Variants in GABRE observed in about 807,000 individuals in gnomAD.
The protein encoded by GABRE is gamma-aminobutyric acid receptor subunit epsilon.
GABRE carries 20 observed loss-of-function variants against 31.0 expected under a neutral mutation model. That is an observed-to-expected ratio of 0.64 (90% CI 0.45 to 0.94). GABRE has a LOEUF of 0.94. GABRE is among the 40% of genes least tolerant of loss of function. The pLI, the probability that GABRE is intolerant of heterozygous loss-of-function variation, is 0.00. For missense variants in GABRE, 420 were observed against 410.7 expected (o/e 1.02, Z -0.20); for synonymous variants, 155 against 150.6 (o/e 1.03, Z -0.21).
chrX:151,959,140 T>C, intron 6 of GABRE: 2 of 312,391 alleles, frequency 6.4e-6, no homozygotes, highest in Non-Finnish European at 6.3e-6. Context: ...TGGCTCCTCA[T>C]TCAGGTCACC....
intron 3 of GABRE, among the ~76,000 whole-genome samples, chrX:151,963,120 T>C (rs1316492970): frequency 8.9e-6 from 1 of 112,348 alleles, no homozygotes; most frequent in Non-Finnish European, 1.9e-5. Flanking sequence ...TCTGTCTTTT[T>C]CCCACATTTC....
In GABRE at chrX:151,970,417, C is replaced by A; in HGVS notation, c.57-15G>T. 2 of 1,204,991 alleles carry A rather than the reference C, an allele frequency of 1.7e-6. No homozygotes were observed. Among genetic ancestry groups the A allele is most frequent in the South Asian group, 3.6e-5 (2 of 55,571 alleles). Reference sequence around the variant, plus strand: ...GTCCCTCGACCCTAGAACATTCAAACGAAAAATGAAGCTCTGCCCTGCACT... The same window carrying A: ...GTCCCTCGACCCTAGAACATTCAAAAGAAAAATGAAGCTCTGCCCTGCACT... On this transcript the variant is annotated splice_polypyrimidine_tract_variant and intron_variant, in intron 1 of 8. Coordinates refer to ENST00000370328, the MANE Select transcript of GABRE (RefSeq NM_004961.4).
At chrX:151,971,069 G>T in intron 1 of GABRE, 1 of 823,064 alleles carries the variant, frequency 1.2e-6, no homozygotes, top group Non-Finnish European at 1.5e-6. Flanking sequence ...CCAAGAAAAA[G>T]AAGAAGATTA....
chrX:151,970,806 G>C (rs1934671666), intron 1 of GABRE, among the ~76,000 whole-genome samples: 1 of 112,501 alleles, frequency 8.9e-6, no homozygotes, highest in Admixed American at 9.4e-5. Context: ...AGGGCTGAGA[G>C]GAATGCTTGC....
chrX:151,958,680 A>T (rs1176648528), intron 6 of GABRE: 5 of 358,094 alleles, frequency 1.4e-5, no homozygotes, highest in South Asian at 1.3e-4. Context: ...CTTCTCTGTC[A>T]CTTTTGATGA....
intron 2 of GABRE, 189 bp from the exon 3 acceptor site, chrX:151,969,925 C>T: frequency 9.3e-7 from 1 of 1,073,894 alleles, no homozygotes; most frequent in South Asian, 2.6e-5. Context: ...GAATTGGACA[C>T]ACATCTTGAA....
At chrX:151,965,515 G>T (rs1480230464) in intron 3 of GABRE, among the ~76,000 whole-genome samples, 1 of 112,110 alleles carries the variant, frequency 8.9e-6, no homozygotes, top group Admixed American at 9.4e-5. Context: ...AGTTATTTTA[G>T]AGATAAGGAA....
chrX:151,961,458 G>C, intron 4 of GABRE, 93 bp from the exon 5 acceptor site: 1 of 568,497 alleles, frequency 1.8e-6, no homozygotes, highest in Admixed American at 2.9e-5. Context: ...TGAATGGCCA[G>C]AGTCAATTTT....
intron 5 of GABRE, 53 bp from the exon 6 acceptor site, chrX:151,960,029 G>C (rs1934312143): frequency 9.0e-7 from 1 of 1,115,085 alleles, no homozygotes; most frequent in African/African-American, 1.8e-5. Context: ...GCCCACCTGA[G>C]GTCTCCAATA....
In GABRE at chrX:151,974,511, G is replaced by T. The variant is rs761099842; in HGVS notation, c.56+59C>A. The T allele has an allele frequency of 4.7e-6, 4 of 858,604 alleles. No homozygotes were observed. The South Asian group carries it at 1.0e-4, about 22-fold the overall frequency. The allele number at this position is 858,604 out of a possible 1,213,427, so 70.8% of individuals were successfully genotyped here. A position where few individuals can be genotyped will look rare whatever the true frequency, so the allele number is the denominator to read the frequency against. ...CGCTGGGGTCCCGGGAGCCGTCCCGGCTCCCGGGGAGAGGGAGCTGGGCGC... is the reference window on the plus strand; with the variant it reads ...CGCTGGGGTCCCGGGAGCCGTCCCGTCTCCCGGGGAGAGGGAGCTGGGCGC... On this transcript the variant is annotated intron_variant, in intron 1 of 8. Coordinates refer to ENST00000370328, the MANE Select transcript of GABRE (RefSeq NM_004961.4).
At chrX:151,955,212 A>T in intron 8 of GABRE, 128 bp from the exon 9 acceptor site, 1 of 1,176,117 alleles carries the variant, frequency 8.5e-7, no homozygotes. Flanking sequence ...CCAACTTCTC[A>T]CCATTACATC....
rs1424636194 is a variant in GABRE, at chrX:151,953,753, G to C, written c.*948C>G. 2.7e-5 allele frequency: 3 copies of C among 111,701 alleles called. No homozygotes were observed. Among genetic ancestry groups the C allele is most frequent in the African/African-American group, 6.5e-5 (2 of 30,653 alleles). The allele number at this position is 111,701 out of a possible 1,213,427, so 9.2% of individuals were successfully genotyped here. On this transcript the variant is annotated 3_prime_UTR_variant, in exon 9 of 9. Coordinates refer to ENST00000370328, the MANE Select transcript of GABRE (RefSeq NM_004961.4). Reference sequence around the variant, plus strand: ...GATAGAACTCCGACAGTGTGCCCTGGGTGGGCACCAATCAATGGCGAGTAA... The same window carrying C: ...GATAGAACTCCGACAGTGTGCCCTGCGTGGGCACCAATCAATGGCGAGTAA...
chrX:151,959,772 T>C (rs373219276), intron 6 of GABRE, 67 bp downstream of exon 6: 84 of 1,103,176 alleles, frequency 7.6e-5, no homozygotes, highest in Non-Finnish European at 9.6e-5. Context: ...AAAGCATTTG[T>C]ATGGATGGCC....
Position 151,955,558 on chromosome X carries a change from G to A in GABRE, c.947C>T (p.Ser316Phe), listed in dbSNP as rs753074937. The change falls in exon 8 of 9, where the codon TCT becomes TTT. Residue 316 changes from serine (S) to phenylalanine (F), a missense_variant. Transcript: ENST00000370328. ...GCCCAACGTGGTCATGGTCAGAACA[G>A]AGGTGATCCCTGCAAGAGCACAAGA... ...APARTSLGIT[S>F]VLTMTTLGTF... The A allele has an allele frequency of 1.2e-5, 14 of 1,209,709 alleles. No homozygotes were observed. Among genetic ancestry groups the A allele is most frequent in the Non-Finnish European group, 1.5e-5 (13 of 894,466 alleles).
chrX:151,969,314 A>G (rs1306893489), intron 3 of GABRE: 1 of 131,342 alleles, frequency 7.6e-6, no homozygotes. Context: ...AAGTAGAGCA[A>G]AAATATAGAA....
chrX:151,954,551 A>T lies in GABRE; in HGVS notation c.*150T>A. ...GGTAGGGGAGAGGGGCAGCAAAGAC[A>T]AACCCTCTGCAAGCTTCTGTTTGGG... On this transcript the variant is annotated 3_prime_UTR_variant, in exon 9 of 9. Coordinates refer to ENST00000370328, the MANE Select transcript of GABRE (RefSeq NM_004961.4). The T allele has an allele frequency of 2.2e-6, 1 of 462,000 alleles. No individual in the cohort carries two copies. The highest frequency in any genetic ancestry group is 3.6e-5 in the South Asian group (1 of 27,455). The allele number at this position is 462,000 out of a possible 1,213,427, so 38.1% of individuals were successfully genotyped here. A position where few individuals can be genotyped will look rare whatever the true frequency, so the allele number is the denominator to read the frequency against.
At position 151,954,375 on chromosome X, in the gene GABRE, G is replaced by A. The variant is rs927432132; in HGVS notation, c.*326C>T. The A allele has an allele frequency of 2.5e-5, 5 of 199,264 alleles. No homozygotes were observed. The highest frequency in any genetic ancestry group is 5.9e-5 in the African/African-American group (2 of 34,037). The allele number at this position is 199,264 out of a possible 1,213,427, so 16.4% of individuals were successfully genotyped here. ...AGCATTGTTGGAAGATAGCTAATCC[G>A]CCTGTACTTAGGCATGGTTTTAGGG... On this transcript the variant is annotated 3_prime_UTR_variant, in exon 9 of 9. Coordinates refer to ENST00000370328, the MANE Select transcript of GABRE (RefSeq NM_004961.4).
chrX:151,954,727 A>G lies in GABRE; in HGVS notation c.1495T>C (p.Tyr499His). Residue 499 changes from tyrosine to histidine, a missense_variant, in exon 9 of 9, where the codon TAC (tyrosine) becomes CAC (histidine). By Grantham distance (83) the Tyr-to-His change is moderately conservative. Coordinates refer to ENST00000370328, the MANE Select transcript of GABRE (RefSeq NM_004961.4). ...TACAAGTTAAGGCAAACAAGCCAGT[A>G]GAGCACATTGAAGAAGAAGAAAGTC... The part of the protein sequence containing the change: ...PVTFFFFNVL[Y>H]WLVCLNL The G allele has an allele frequency of 8.3e-7, 1 of 1,206,932 alleles. No homozygotes were observed. The highest frequency in any genetic ancestry group is 1.1e-6 in the Non-Finnish European group (1 of 893,245).
At chrX:151,970,565 T>C (rs1372240892) in intron 1 of GABRE, 163 bp from the exon 2 acceptor site, 2 of 559,072 alleles carry the variant, frequency 3.6e-6, no homozygotes, top group Non-Finnish European at 5.5e-6. Flanking sequence ...ATTAGGCTTG[T>C]GAATTTCTTT....
Sources: gnomAD v4.1 joint callset for allele counts (sites outside exome capture counted in the v4.1 genomes callset) on GRCh38, gnomAD v4.1.1 for gene constraint, MANE v1.5 for transcripts, NCBI Gene and HGNC (gene_info 2026-07-23, HGNC 2026-07-21) for gene names.